Variants in VPS41 observed in about 807,000 individuals in gnomAD.
The protein encoded by VPS41 is VPS41 subunit of HOPS complex, also known as vacuolar protein sorting-associated protein 41 homolog.
VPS41 carries 85 observed loss-of-function variants against 130.9 expected under a neutral mutation model. That is an observed-to-expected ratio of 0.65 (90% CI 0.55 to 0.78). VPS41 has a LOEUF of 0.78. VPS41 is among the 30% of genes least tolerant of loss of function. VPS41 has a pLI of 0.00. For synonymous variants in VPS41, 335 were observed against 332.9 expected, an observed-to-expected ratio of 1.01 and a Z score of -0.07; for missense variants, 874 against 1,018.7, an observed-to-expected ratio of 0.86 and a Z score of 1.93.
chr7:38,766,916 C>T (rs932683966), intron 15 of VPS41, among the ~76,000 whole-genome samples: 14 of 152,108 alleles, frequency 9.2e-5, no homozygotes, highest in African/African-American at 1.9e-4. Context: ...TATCCAGTAT[C>T]GAGTATATCT....
chr7:38,845,963 A>G (rs1210353940), intron 4 of VPS41, among the ~76,000 whole-genome samples: 2 of 152,372 alleles, frequency 1.3e-5, no homozygotes, highest in East Asian at 1.9e-4. Flanking sequence ...AACCAAGTAA[A>G]TATTTTCCTT....
At chr7:38,789,746 A>G in intron 10 of VPS41, 55 bp downstream of exon 10, 5 of 1,585,784 alleles carry the variant, frequency 3.2e-6, no homozygotes, top group Non-Finnish European at 4.3e-6. Flanking sequence ...ATTAATGAAG[A>G]CGAAAATTTT....
chr7:38,797,072 A>G (rs1784635971), intron 7 of VPS41: 1 of 558,782 alleles, frequency 1.8e-6, no homozygotes, highest in African/African-American at 1.9e-5. Context: ...TTTAAAATGG[A>G]TGAGTGTTGA....
intron 15 of VPS41, among the ~76,000 whole-genome samples, chr7:38,766,563 C>T (rs1488670658): frequency 1.3e-5 from 2 of 152,168 alleles, no homozygotes; most frequent in Non-Finnish European, 2.9e-5. Context: ...GCCTTTAGGA[C>T]AAAAGGCAGA....
Position 38,747,776 on chromosome 7 carries a change from GT to G in VPS41, c.1927-2164del, listed in dbSNP as rs1256989719. 2.0e-5 allele frequency among the ~76,000 whole-genome samples: 3 copies of G among 152,344 alleles called. No individual in the cohort carries two copies. In the East Asian group the frequency reaches 5.8e-4, roughly 29 times the overall value. ...TTCAAATACTCAATTGTGACATGTG[GT>G]TGGTGGCTACTATGTGGGACAGAGT... On this transcript the variant is annotated intron_variant, in intron 22 of 28. Transcript: ENST00000310301.
intron 4 of VPS41, among the ~76,000 whole-genome samples, chr7:38,850,768 T>C (rs1785837264): frequency 6.6e-6 from 1 of 152,132 alleles, no homozygotes. Flanking sequence ...TGGCAAAGTA[T>C]ATAAACTAAC....
In VPS41 at chr7:38,833,457, C is replaced by T. The variant is rs914504744; in HGVS notation, c.247-3129G>A. ...CAACTTCTGACCTCATCCCCTCTTC[C>T]CCTGGTTCTCTCTACTCCAGTCCTG... On this transcript the variant is annotated intron_variant, in intron 4 of 28. Coordinates refer to ENST00000310301, the MANE Select transcript of VPS41 (RefSeq NM_014396.4). Among the ~76,000 whole-genome samples, 4 of 152,288 alleles carry T rather than the reference C, an allele frequency of 2.6e-5. No individual in the cohort carries two copies. In the South Asian group the frequency reaches 6.2e-4, roughly 24 times the overall value.
chr7:38,895,464 T>G (rs1425115920), intron 2 of VPS41, among the ~76,000 whole-genome samples: 1 of 22,168 alleles, frequency 4.5e-5, no homozygotes, highest in Non-Finnish European at 7.0e-5. Flanking sequence ...TGATTCTGAC[T>G]TTCTTTCTTC....
intron 10 of VPS41, among the ~76,000 whole-genome samples, chr7:38,779,408 C>T (rs961267654): frequency 6.6e-6 from 1 of 152,198 alleles, no homozygotes. Context: ...TAGTAATACT[C>T]AGCATGATTC....
rs185562526 is a variant in VPS41, at chr7:38,742,477, T to C, written c.2123-356A>G. ...AGGTATCATATACACTTTCCTCAAA[T>C]ACTGTGCAAGGTAGGAATGCTGTGT... is the stretch of plus-strand genomic sequence containing the variant. On this transcript the variant is annotated intron_variant, in intron 24 of 28. Coordinates refer to ENST00000310301, the MANE Select transcript of VPS41 (RefSeq NM_014396.4). 1.1e-3 allele frequency among the ~76,000 whole-genome samples: 170 copies of C among 152,222 alleles called. 2 individuals carry two copies. The highest frequency in any genetic ancestry group is 3.9e-3 in the African/African-American group (164 of 41,550).
chr7:38,737,096 C>G (rs1326046652), intron 25 of VPS41, among the ~76,000 whole-genome samples: 3 of 152,148 alleles, frequency 2.0e-5, no homozygotes, highest in Non-Finnish European at 4.4e-5. Flanking sequence ...TAAAAACAGG[C>G]CAGGCGCGGT....
chr7:38,840,341 T>C lies in VPS41; in HGVS notation c.247-10013A>G. ...TCATTCTTACCTAGCACATCAGTAC[T>C]CCTTCCCACCAAAAAATAGGCTATA... On this transcript the variant is annotated intron_variant, in intron 4 of 28. Coordinates refer to ENST00000310301, the MANE Select transcript of VPS41 (RefSeq NM_014396.4). Among the ~76,000 whole-genome samples the C allele has an allele frequency of 1.3e-5, 2 of 152,212 alleles. 1 individual carries two copies. Among genetic ancestry groups the C allele is most frequent in the East Asian group, 3.8e-4 (2 of 5,204 alleles).
intron 7 of VPS41, among the ~76,000 whole-genome samples, chr7:38,798,653 G>T (rs970099000): frequency 6.6e-6 from 1 of 152,048 alleles, no homozygotes; most frequent in African/African-American, 2.4e-5. Flanking sequence ...CTGTGGCCTG[G>T]ATCTGATGGA....
At chr7:38,775,477 CTTT>C (rs1018999551) in intron 11 of VPS41, 4 of 152,080 alleles carry the variant, frequency 2.6e-5, no homozygotes, top group African/African-American at 7.2e-5. Flanking sequence ...TTTACTGCTT[CTTT>C]ATTTCTTCCA....
At chr7:38,874,701 C>A (rs565529679) in intron 2 of VPS41, among the ~76,000 whole-genome samples, 1 of 152,118 alleles carries the variant, frequency 6.6e-6, no homozygotes, top group Non-Finnish European at 1.5e-5. Context: ...ACCTTTCATG[C>A]AGTTTGAACT....
chr7:38,738,450 T>C (rs780298922), intron 25 of VPS41, among the ~76,000 whole-genome samples: 11 of 152,172 alleles, frequency 7.2e-5, no homozygotes, highest in Non-Finnish European at 1.5e-4. Context: ...GTTTGTCAAA[T>C]AAAACCGTCA....
At chr7:38,864,865 T>G (rs1320541046) in intron 3 of VPS41, among the ~76,000 whole-genome samples, 1 of 152,126 alleles carries the variant, frequency 6.6e-6, no homozygotes, top group Non-Finnish European at 1.5e-5. Flanking sequence ...CTTGACTCAT[T>G]TTCTATACTA....
intron 1 of VPS41, among the ~76,000 whole-genome samples, chr7:38,905,929 G>T (rs1787250310): frequency 6.6e-6 from 1 of 151,914 alleles, no homozygotes; most frequent in Non-Finnish European, 1.5e-5. Context: ...GAGTAGCTGG[G>T]ATTACAGGCG....
At chr7:38,775,014 G>A (rs1365250751) in intron 11 of VPS41, among the ~76,000 whole-genome samples, 1 of 152,216 alleles carries the variant, frequency 6.6e-6, no homozygotes, top group Non-Finnish European at 1.5e-5. Flanking sequence ...GGGCAATGCA[G>A]AGTAGCATGT....
Sources: gnomAD v4.1 joint callset for allele counts (sites outside exome capture counted in the v4.1 genomes callset) on GRCh38, gnomAD v4.1.1 for gene constraint, MANE v1.5 for transcripts, NCBI Gene and HGNC (gene_info 2026-07-23, HGNC 2026-07-21) for gene names.